The following SH3RF3 variants were observed in gnomAD, a reference collection of about 807,000 sequenced individuals.
The protein encoded by SH3RF3 is SH3 domain containing ring finger 3.
Under a neutral mutation model 66.3 loss-of-function variants are expected in SH3RF3, and 29 were observed. That is an observed-to-expected ratio of 0.44 (90% CI 0.33 to 0.60). The LOEUF is 0.60. Ranked by LOEUF, SH3RF3 falls within the 20% of genes least tolerant of loss-of-function variation. The pLI, the probability that SH3RF3 is intolerant of heterozygous loss-of-function variation, is 0.04. For missense variants in SH3RF3, 1,194 were observed against 1,190.9 expected, an observed-to-expected ratio of 1.00 and a Z score of -0.04; for synonymous variants, 583 against 532.0, an observed-to-expected ratio of 1.10 and a Z score of -1.32.
At chr2:109,422,304 T>A (rs1676903527) in intron 5 of SH3RF3, among the ~76,000 whole-genome samples, 1 of 152,190 alleles carries the variant, frequency 6.6e-6, no homozygotes, top group South Asian at 2.1e-4. Flanking sequence ...ATGGAATGAC[T>A]TCAGGAGACC....
At chr2:109,371,807 G>A in intron 3 of SH3RF3, 126 bp downstream of exon 3, 2 of 778,766 alleles carry the variant, frequency 2.6e-6, no homozygotes, top group Non-Finnish European at 2.1e-6. Flanking sequence ...ATAGCCTCTG[G>A]CCAGAGAGCT....
chr2:109,389,431 G>A (rs903350759), intron 3 of SH3RF3, among the ~76,000 whole-genome samples: 1 of 152,200 alleles, frequency 6.6e-6, no homozygotes, highest in Non-Finnish European at 1.5e-5. Flanking sequence ...AGGGCATACC[G>A]CATGAGTGTG....
At chr2:109,437,388 G>A (rs1023198979) in intron 7 of SH3RF3, among the ~76,000 whole-genome samples, 14 of 151,648 alleles carry the variant, frequency 9.2e-5, no homozygotes, top group East Asian at 2.0e-4. Flanking sequence ...GCTCGTGAAC[G>A]TCTGATCTCC....
intron 1 of SH3RF3, among the ~76,000 whole-genome samples, chr2:109,305,609 A>G (rs7589719): frequency 0.64 from 96,926 of 152,128 alleles, 33,601 homozygotes; most frequent in East Asian, 0.91. Context: ...AGATGAGAAT[A>G]CAAAGGTCTG....
chr2:109,354,793 A>T (rs1179015190), intron 2 of SH3RF3, among the ~76,000 whole-genome samples: 2 of 152,346 alleles, frequency 1.3e-5, no homozygotes, highest in Admixed American at 6.5e-5. Context: ...CCTTCTCCCC[A>T]GGTGGAAGTG....
At chr2:109,319,546 G>C (rs1486141546) in intron 1 of SH3RF3, among the ~76,000 whole-genome samples, 2 of 152,214 alleles carry the variant, frequency 1.3e-5, no homozygotes, top group Non-Finnish European at 2.9e-5. Context: ...GAGTGAGAGG[G>C]GGCTCACAGG....
At chr2:109,473,861 C>A (rs1678599321) in intron 8 of SH3RF3, among the ~76,000 whole-genome samples, 1 of 152,030 alleles carries the variant, frequency 6.6e-6, no homozygotes, top group Non-Finnish European at 1.5e-5. Flanking sequence ...GAACCGCTCT[C>A]CTTGTGCCCC....
At chr2:109,256,272 C>T (rs747900433) in intron 1 of SH3RF3, among the ~76,000 whole-genome samples, 5 of 152,150 alleles carry the variant, frequency 3.3e-5, no homozygotes, top group Non-Finnish European at 7.4e-5. Context: ...TCACTTGGGC[C>T]TGGTTGAGCG....
intron 1 of SH3RF3, among the ~76,000 whole-genome samples, chr2:109,160,579 A>G (rs1294776551): frequency 6.6e-6 from 1 of 152,148 alleles, no homozygotes; most frequent in Non-Finnish European, 1.5e-5. Flanking sequence ...CAGTAACTCC[A>G]AGAGGTAAGC....
chr2:109,381,521 CGTGGCCATCA>C (rs1559052892), intron 3 of SH3RF3, among the ~76,000 whole-genome samples: 1 of 152,124 alleles, frequency 6.6e-6, no homozygotes, highest in Admixed American at 6.5e-5. Context: ...CTCCCTTCAG[CGTGGCCATCA>C]CGGTGCCCTG....
At chr2:109,192,493 G>T (rs1319305433) in intron 1 of SH3RF3, among the ~76,000 whole-genome samples, 1 of 152,150 alleles carries the variant, frequency 6.6e-6, no homozygotes, top group Non-Finnish European at 1.5e-5. Flanking sequence ...GTATACATTT[G>T]TGTTGGATCA....
At position 109,338,819 on chromosome 2, in the gene SH3RF3, A is replaced by G. The variant is rs149597237; in HGVS notation, c.574-8855A>G. The stretch of plus-strand genomic sequence containing the variant: ...GTGATCCACCCGCCTCGGCCTCCCA[A>G]AGTGTGTGAGCCATTGCGCCAAGTC... On this transcript the variant is annotated intron_variant, in intron 1 of 9. Coordinates refer to ENST00000309415, the MANE Select transcript of SH3RF3 (RefSeq NM_001099289.3). 3.8e-3 allele frequency among the ~76,000 whole-genome samples: 578 copies of G among 152,226 alleles called. 4 individuals carry two copies. The highest frequency in any genetic ancestry group is 0.013 in the African/African-American group (552 of 41,520).
chr2:109,371,896 A>G (rs1238509751), intron 3 of SH3RF3, among the ~76,000 whole-genome samples: 2 of 152,322 alleles, frequency 1.3e-5, no homozygotes, highest in African/African-American at 4.8e-5. Flanking sequence ...GGCTGGTCCC[A>G]GGCCTGGCTG....
At chr2:109,212,005 A>T (rs1678994346) in intron 1 of SH3RF3, among the ~76,000 whole-genome samples, 1 of 152,182 alleles carries the variant, frequency 6.6e-6, no homozygotes, top group Admixed American at 6.5e-5. Context: ...GAATTCAATA[A>T]ATGACTGATT....
In SH3RF3 at chr2:109,133,722, A is replaced by AT. The variant is rs35011575; in HGVS notation, c.573+3628dup. ...GGTCATCTTGATTTCCCAAGGGACA[A>AT]TTTTTTTTTTTTTTTTTTTGCACTC... On this transcript the variant is annotated intron_variant, in intron 1 of 9. Transcript: ENST00000309415. 5.7e-3 allele frequency among the ~76,000 whole-genome samples: 735 copies of AT among 128,838 alleles called. 8 individuals carry two copies. The highest frequency in any genetic ancestry group is 0.026 in the Middle Eastern group (6 of 228). The allele number at this position is 128,838 out of a possible 152,430, so 84.5% of individuals were successfully genotyped here. A position where few individuals can be genotyped will look rare whatever the true frequency, so the allele number is the denominator to read the frequency against.
chr2:109,472,396 C>T (rs1418009527), intron 8 of SH3RF3, among the ~76,000 whole-genome samples: 2 of 152,046 alleles, frequency 1.3e-5, no homozygotes, highest in Non-Finnish European at 2.9e-5. Context: ...CCTTAAGAAG[C>T]ACAGAAAGAG....
chr2:109,430,297 C>T (rs1677156960), intron 5 of SH3RF3, among the ~76,000 whole-genome samples: 1 of 152,226 alleles, frequency 6.6e-6, no homozygotes, highest in Non-Finnish European at 1.5e-5. Flanking sequence ...GCAGGATTTA[C>T]ACTCAATTGT....
At chr2:109,230,663 C>T (rs1167250218) in intron 1 of SH3RF3, among the ~76,000 whole-genome samples, 2 of 152,142 alleles carry the variant, frequency 1.3e-5, no homozygotes, top group African/African-American at 2.4e-5. Flanking sequence ...CCTGATAAAC[C>T]CATTGTAATG....
intron 1 of SH3RF3, 90 bp from the exon 2 acceptor site, chr2:109,347,584 C>G (rs1682739242): frequency 6.6e-7 from 1 of 1,505,404 alleles, no homozygotes; most frequent in Admixed American, 2.1e-5. Flanking sequence ...ACAGAAAGCC[C>G]CTGAGAAGCC....
Sources: gnomAD v4.1 joint callset for allele counts (sites outside exome capture counted in the v4.1 genomes callset) on GRCh38, gnomAD v4.1.1 for gene constraint, MANE v1.5 for transcripts, NCBI Gene and HGNC (gene_info 2026-07-23, HGNC 2026-07-21) for gene names.